The following KCNQ5 variants were observed in gnomAD, a reference collection of about 807,000 sequenced individuals.
KCNQ5 encodes the protein potassium voltage-gated channel subfamily Q member 5.
In KCNQ5, 30 loss-of-function variants were observed where a neutral mutation model predicts 98.2. That is an observed-to-expected ratio of 0.31 (90% CI 0.23 to 0.41). KCNQ5 has a LOEUF of 0.41. Ranked by LOEUF, KCNQ5 falls within the 10% of genes least tolerant of loss-of-function variation. KCNQ5 has a pLI of 1.00. For missense variants in KCNQ5, 835 were observed against 1,182.5 expected (o/e 0.71, Z 4.31); for synonymous variants, 458 against 449.4 (o/e 1.02, Z -0.24).
At chr6:73,060,660 C>T (rs1234294220) in intron 3 of KCNQ5, among the ~76,000 whole-genome samples, 1 of 152,108 alleles carries the variant, frequency 6.6e-6, no homozygotes, top group African/African-American at 2.4e-5. Flanking sequence ...AGAAACTAAT[C>T]ACCTTAAATT....
At chr6:73,049,716 T>G (rs1161430121) in intron 3 of KCNQ5, among the ~76,000 whole-genome samples, 1 of 152,194 alleles carries the variant, frequency 6.6e-6, no homozygotes, top group Non-Finnish European at 1.5e-5. Flanking sequence ...TGGTATCTGA[T>G]GCCATGAAAG....
At chr6:72,641,969 A>G (rs1441081451) in intron 1 of KCNQ5, among the ~76,000 whole-genome samples, 3 of 151,632 alleles carry the variant, frequency 2.0e-5, no homozygotes, top group African/African-American at 7.3e-5. Flanking sequence ...TTGAATATCT[A>G]CAATCTTTTC....
At chr6:72,794,688 A>G (rs1224130015) in intron 1 of KCNQ5, among the ~76,000 whole-genome samples, 1 of 152,154 alleles carries the variant, frequency 6.6e-6, no homozygotes, top group African/African-American at 2.4e-5. Flanking sequence ...TTAGCACTTA[A>G]TGAGGGGTGT....
At chr6:73,098,685 C>CT (rs1774627806) in intron 5 of KCNQ5, among the ~76,000 whole-genome samples, 1 of 152,094 alleles carries the variant, frequency 6.6e-6, no homozygotes, top group African/African-American at 2.4e-5. Flanking sequence ...GAAATAAAGA[C>CT]TTTCCCAGAC....
At chr6:72,748,986 A>G (rs978326897) in intron 1 of KCNQ5, among the ~76,000 whole-genome samples, 1 of 152,194 alleles carries the variant, frequency 6.6e-6, no homozygotes, top group Non-Finnish European at 1.5e-5. Context: ...CAGATGTGCC[A>G]TGGTTCACCC....
At chr6:72,867,342 T>C (rs1778028879) in intron 1 of KCNQ5, among the ~76,000 whole-genome samples, 1 of 152,218 alleles carries the variant, frequency 6.6e-6, no homozygotes, top group African/African-American at 2.4e-5. Context: ...AAGCTCAGAG[T>C]CTCTCTTGCC....
intron 1 of KCNQ5, among the ~76,000 whole-genome samples, chr6:72,751,967 G>T (rs1026726826): frequency 3.9e-5 from 6 of 152,130 alleles, no homozygotes; most frequent in Non-Finnish European, 8.8e-5. Flanking sequence ...AAATGGTGGT[G>T]ATAGGATTCA....
intron 1 of KCNQ5, among the ~76,000 whole-genome samples, chr6:72,836,972 A>C (rs530873946): frequency 2.6e-5 from 4 of 152,262 alleles, no homozygotes; most frequent in Non-Finnish European, 5.9e-5. Context: ...TTTTAACTTA[A>C]TATATTGTAT....
At chr6:72,917,932 AG>A (rs1456438218) in intron 1 of KCNQ5, among the ~76,000 whole-genome samples, 2 of 152,030 alleles carry the variant, frequency 1.3e-5, no homozygotes, top group Non-Finnish European at 2.9e-5. Context: ...TTTCTTTTCT[AG>A]GGGGGCTGTC....
chr6:72,645,565 C>A (rs1205193942), intron 1 of KCNQ5, among the ~76,000 whole-genome samples: 1 of 152,032 alleles, frequency 6.6e-6, no homozygotes, highest in Non-Finnish European at 1.5e-5. Flanking sequence ...TATGGAAATT[C>A]TCTTCAGGTT....
chr6:72,665,032 G>A (rs1196877103), intron 1 of KCNQ5, among the ~76,000 whole-genome samples: 2 of 152,020 alleles, frequency 1.3e-5, no homozygotes, highest in Non-Finnish European at 2.9e-5. Context: ...CATTGTTTTT[G>A]AGAATAAAAT....
At chr6:72,750,675 T>C (rs552638477) in intron 1 of KCNQ5, among the ~76,000 whole-genome samples, 1 of 152,038 alleles carries the variant, frequency 6.6e-6, no homozygotes, top group Non-Finnish European at 1.5e-5. Flanking sequence ...ATTTGATACA[T>C]TAAAATATCT....
chr6:73,063,694 A>AGATAGATAGATAGATAGATAGAT (rs1772904804), intron 3 of KCNQ5, among the ~76,000 whole-genome samples: 12 of 42,202 alleles, frequency 2.8e-4, no homozygotes, highest in Non-Finnish European at 6.6e-4. Context: ...GATGATAGAT[A>AGATAGATAGATAGATAGATAGAT]GATAGATAGA....
intron 13 of KCNQ5, among the ~76,000 whole-genome samples, chr6:73,193,087 C>T (rs1765654958): frequency 6.8e-6 from 1 of 146,144 alleles, no homozygotes; most frequent in African/African-American, 2.5e-5. Flanking sequence ...GTGGCATGCT[C>T]CCAGCTCACT....
chr6:72,912,105 G>A (rs1376251314), intron 1 of KCNQ5, among the ~76,000 whole-genome samples: 1 of 152,156 alleles, frequency 6.6e-6, no homozygotes, highest in Non-Finnish European at 1.5e-5. Flanking sequence ...TACCTGATGA[G>A]TTATTGGAGT....
At chr6:73,131,750 A>G (rs983772294) in intron 9 of KCNQ5, among the ~76,000 whole-genome samples, 1 of 152,212 alleles carries the variant, frequency 6.6e-6, no homozygotes, top group Non-Finnish European at 1.5e-5. Context: ...GCTCTTGTTT[A>G]ATGTAATCTA....
At chr6:72,919,877 T>C (rs758472976) in intron 1 of KCNQ5, among the ~76,000 whole-genome samples, 2 of 152,124 alleles carry the variant, frequency 1.3e-5, no homozygotes, top group Non-Finnish European at 2.9e-5. Context: ...TTACTCCACT[T>C]AGAGTTTGTC....
At chr6:73,078,074 T>C (rs904929238) in intron 5 of KCNQ5, among the ~76,000 whole-genome samples, 187 bp downstream of exon 5, 4 of 151,900 alleles carry the variant, frequency 2.6e-5, no homozygotes, top group East Asian at 1.9e-4. Context: ...CTAAGTTGTC[T>C]TGTAAACCAT....
intron 1 of KCNQ5, among the ~76,000 whole-genome samples, chr6:72,827,533 A>G (rs752664449): frequency 8.5e-5 from 13 of 152,134 alleles, no homozygotes; most frequent in Non-Finnish European, 1.8e-4. Context: ...TCTTCCTTTT[A>G]TAAATGTCTG....
Sources: allele counts gnomAD v4.1 joint callset (sites outside exome capture counted in the v4.1 genomes callset), GRCh38; gene constraint gnomAD v4.1.1; transcripts MANE v1.5; gene names NCBI Gene and HGNC (gene_info 2026-07-23, HGNC 2026-07-21).